Variants in NRXN3 observed in about 807,000 individuals in gnomAD.
NRXN3 encodes the protein neurexin III.
NRXN3 carries 32 observed loss-of-function variants against 137.6 expected under a neutral mutation model. That is an observed-to-expected ratio of 0.23 (90% CI 0.18 to 0.31). The LOEUF is 0.31. Among genes scored for constraint, NRXN3 ranks in the 10% least tolerant of loss-of-function variants. The pLI, the probability that NRXN3 is intolerant of heterozygous loss-of-function variation, is 1.00. For synonymous variants in NRXN3, 798 were observed against 784.5 expected (o/e 1.02, Z -0.29); for missense variants, 1,574 against 2,062.5 (o/e 0.76, Z 4.59).
intron 4 of NRXN3, among the ~76,000 whole-genome samples, chr14:78,366,648 T>A (rs559245976): frequency 6.6e-6 from 1 of 152,268 alleles, no homozygotes; most frequent in African/African-American, 2.4e-5. Flanking sequence ...AGTCACATCT[T>A]ACATGGATGG....
chr14:79,769,371 G>C (rs1462693214), intron 19 of NRXN3, among the ~76,000 whole-genome samples: 1 of 151,952 alleles, frequency 6.6e-6, no homozygotes, highest in African/African-American at 2.4e-5. Context: ...GGCAGCCAGA[G>C]AGAAAGGTCG....
At chr14:78,431,747 G>GTAA (rs1382841908) in intron 4 of NRXN3, among the ~76,000 whole-genome samples, 1 of 152,048 alleles carries the variant, frequency 6.6e-6, no homozygotes, top group African/African-American at 2.4e-5. Context: ...AGATTATAAA[G>GTAA]TAATAATAAT....
At chr14:78,993,693 C>T (rs940807125) in intron 15 of NRXN3, among the ~76,000 whole-genome samples, 1 of 152,138 alleles carries the variant, frequency 6.6e-6, no homozygotes, top group East Asian at 1.9e-4. Flanking sequence ...GGGAAAGACA[C>T]ATATGAAGGT....
At chr14:79,054,225 G>C (rs1451806276) in intron 15 of NRXN3, among the ~76,000 whole-genome samples, 2 of 151,590 alleles carry the variant, frequency 1.3e-5, no homozygotes, top group Non-Finnish European at 2.9e-5. Flanking sequence ...ATGAGTTAAT[G>C]GGTGCAGCAC....
chr14:79,721,363 G>C (rs1356829814), intron 19 of NRXN3, among the ~76,000 whole-genome samples: 1 of 152,062 alleles, frequency 6.6e-6, no homozygotes, highest in African/African-American at 2.4e-5. Context: ...CAAAACGTTG[G>C]AGTGCACAGG....
At chr14:79,076,846 CA>C (rs1296426051) in intron 15 of NRXN3, among the ~76,000 whole-genome samples, 1 of 152,122 alleles carries the variant, frequency 6.6e-6, no homozygotes, top group Non-Finnish European at 1.5e-5. Context: ...AAAGTTCTAT[CA>C]CAGGGCTTGC....
At chr14:78,739,439 A>G (rs998900651) in intron 8 of NRXN3, among the ~76,000 whole-genome samples, 1 of 152,208 alleles carries the variant, frequency 6.6e-6, no homozygotes, top group Admixed American at 6.5e-5. Context: ...TGCCCTCCAC[A>G]GAGCCTTGGG....
chr14:79,626,166 G>A (rs1332235938), intron 16 of NRXN3, among the ~76,000 whole-genome samples: 1 of 151,932 alleles, frequency 6.6e-6, no homozygotes, highest in Non-Finnish European at 1.5e-5. Flanking sequence ...GAATGTACAA[G>A]TGAGTGAATA....
rs184921843 is a variant in NRXN3 at position 79,704,659 on chromosome 14, G to A, written c.4014+6722G>A. Among the ~76,000 whole-genome samples, 8 of 152,254 alleles carry A rather than the reference G, an allele frequency of 5.3e-5. No homozygotes were observed. In the South Asian group the frequency reaches 8.3e-4, roughly 16 times the overall value. On this transcript the variant is annotated intron_variant, in intron 19 of 20. Transcript: ENST00000335750. Reference sequence around the variant, plus strand: ...GCCAAGCCTCATAACTGGAGAAGGCGCTGAAGATTTGTCAGTCTAATCAGA... The same window carrying A: ...GCCAAGCCTCATAACTGGAGAAGGCACTGAAGATTTGTCAGTCTAATCAGA...
chr14:79,766,393 C>G (rs948188056), intron 19 of NRXN3, among the ~76,000 whole-genome samples: 9 of 152,162 alleles, frequency 5.9e-5, no homozygotes, highest in African/African-American at 2.2e-4. Context: ...AGTGAGTTAT[C>G]TGACACCCCT....
chr14:78,415,392 A>G (rs1890243362), intron 4 of NRXN3, among the ~76,000 whole-genome samples: 1 of 152,210 alleles, frequency 6.6e-6, no homozygotes, highest in South Asian at 2.1e-4. Flanking sequence ...GGCAGCTTAA[A>G]CAATAACAAT....
intron 4 of NRXN3, among the ~76,000 whole-genome samples, chr14:78,523,380 G>A (rs1019502840): frequency 2.6e-5 from 4 of 152,134 alleles, no homozygotes; most frequent in Admixed American, 6.5e-5. Context: ...TTCATAACTC[G>A]CAATAATTTG....
chr14:78,464,992 G>A (rs557732506), intron 4 of NRXN3, among the ~76,000 whole-genome samples: 3 of 152,226 alleles, frequency 2.0e-5, no homozygotes, highest in East Asian at 1.9e-4. Context: ...TAAAGAGTTT[G>A]TTTGGATAGA....
intron 4 of NRXN3, among the ~76,000 whole-genome samples, chr14:78,503,564 G>A (rs1382575039): frequency 1.3e-5 from 2 of 152,142 alleles, no homozygotes. Flanking sequence ...GTCAGGGCAA[G>A]GCAGTGGGAG....
intron 6 of NRXN3, among the ~76,000 whole-genome samples, chr14:78,657,046 C>CAAAAAAA (rs1174872709): frequency 7.7e-4 from 24 of 31,062 alleles, no homozygotes; most frequent in African/African-American, 2.0e-3. Flanking sequence ...GACTCCGTCT[C>CAAAAAAA]AAAAAAAAAA....
intron 15 of NRXN3, among the ~76,000 whole-genome samples, chr14:79,026,968 AT>A (rs1171520316): frequency 0.019 from 7 of 378 alleles, no homozygotes; most frequent in Non-Finnish European, 0.09. Flanking sequence ...ATATATATAT[AT>A]ATATATATAT....
chr14:78,454,299 TA>T (rs113325277), intron 4 of NRXN3, among the ~76,000 whole-genome samples: 46 of 147,466 alleles, frequency 3.1e-4, no homozygotes, highest in South Asian at 6.5e-4. Context: ...CCTGATAACT[TA>T]AAAAAAAAAA....
intron 4 of NRXN3, among the ~76,000 whole-genome samples, chr14:78,359,321 C>A (rs2084777448): frequency 3.3e-5 from 5 of 152,146 alleles, no homozygotes; most frequent in African/African-American, 1.2e-4. Flanking sequence ...CAGTGGACGT[C>A]TTAAAGGCTC....
chr14:79,233,514 G>A (rs1568709837), intron 15 of NRXN3, among the ~76,000 whole-genome samples: 1 of 152,044 alleles, frequency 6.6e-6, no homozygotes, highest in Admixed American at 6.6e-5. Flanking sequence ...ACTGTAATCC[G>A]TGATTTGGTT....
Sources: allele counts gnomAD v4.1 joint callset (sites outside exome capture counted in the v4.1 genomes callset), GRCh38; gene constraint gnomAD v4.1.1; transcripts MANE v1.5; gene names NCBI Gene and HGNC (gene_info 2026-07-23, HGNC 2026-07-21).